CDH2: variants seen among roughly 807,000 people sequenced by gnomAD.
CDH2 encodes cadherin-2.
Under a neutral mutation model 92.0 loss-of-function variants are expected in CDH2, and 17 were observed. The ratio of observed to expected loss-of-function variants is 0.18; its 90% confidence interval spans 0.13 to 0.28. CDH2 has a LOEUF of 0.28. CDH2 is among the 10% of genes least tolerant of loss of function. CDH2 has a pLI of 1.00. For missense variants in CDH2, 862 were observed against 1,133.1 expected, an observed-to-expected ratio of 0.76 and a Z score of 3.44; for synonymous variants, 419 against 415.9, an observed-to-expected ratio of 1.01 and a Z score of -0.09.
chr18:27,942,639 G>GA (rs1378369125), intron 6 of CDH2, among the ~76,000 whole-genome samples: 1 of 152,196 alleles, frequency 6.6e-6, no homozygotes, highest in African/African-American at 2.4e-5. Flanking sequence ...GCTGCATAAA[G>GA]AAACAGAAGA....
intron 1 of CDH2, among the ~76,000 whole-genome samples, chr18:28,172,944 T>G (rs1425614004): frequency 6.6e-6 from 1 of 152,156 alleles, no homozygotes; most frequent in African/African-American, 2.4e-5. Context: ...AACTGTTGCT[T>G]TAAGTCTTGA....
chr18:28,144,645 C>G (rs868318533), intron 2 of CDH2, among the ~76,000 whole-genome samples: 2 of 152,028 alleles, frequency 1.3e-5, no homozygotes, highest in Non-Finnish European at 2.9e-5. Context: ...TAGAAACAAC[C>G]TGTATGTTCA....
chr18:28,172,028 T>A (rs1324748042), intron 1 of CDH2, among the ~76,000 whole-genome samples: 1 of 152,088 alleles, frequency 6.6e-6, no homozygotes, highest in East Asian at 1.9e-4. Context: ...CTGTACTCAG[T>A]GTTGCAGGAG....
At chr18:28,030,502 C>CA (rs2013666777) in intron 2 of CDH2, among the ~76,000 whole-genome samples, 1 of 151,868 alleles carries the variant, frequency 6.6e-6, no homozygotes, top group African/African-American at 2.4e-5. Context: ...AACAAACAAA[C>CA]AACAACAACA....
intron 15 of CDH2, among the ~76,000 whole-genome samples, chr18:27,958,506 TATG>T (rs1567936671): frequency 1.0e-5 from 1 of 97,600 alleles, no homozygotes; most frequent in Non-Finnish European, 2.8e-5. Context: ...CATATTTATA[TATG>T]TATATATGTG....
intron 2 of CDH2, among the ~76,000 whole-genome samples, chr18:28,090,372 T>C (rs2015014608): frequency 6.6e-6 from 1 of 152,154 alleles, no homozygotes. Context: ...CAAGGGCCTT[T>C]AAAAGGCAAT....
At chr18:28,068,964 CAG>C (rs1412075676) in intron 2 of CDH2, among the ~76,000 whole-genome samples, 1 of 152,102 alleles carries the variant, frequency 6.6e-6, no homozygotes, top group African/African-American at 2.4e-5. Flanking sequence ...TTTTGGAAAA[CAG>C]AAAAACACAA....
At chr18:28,064,091 T>C (rs1017298890) in intron 2 of CDH2, among the ~76,000 whole-genome samples, 5 of 149,532 alleles carry the variant, frequency 3.3e-5, no homozygotes, top group Non-Finnish European at 5.9e-5. Context: ...CATGTCTGGA[T>C]GAGAAACATC....
chr18:27,963,385 G>A lies in CDH2; in HGVS notation c.2486C>T (p.Pro829Leu), dbSNP rs1302337851. ...ATTAATGAAGTCCCCAATGTCTCCA[G>A]GGTGTGGGGCTGCAGATCGGACCGG... ...QYPVRSAAPH[P>L]GDIGDFINEG... Residue 829 changes from proline (P) to leucine (L), a missense_variant, in exon 15 of 16, where the codon CCT (proline) becomes CTT (leucine). This residue lies in a region of CDH2 where 114 missense variants were observed against 144.8 expected (regional missense o/e 0.79). Transcript: ENST00000269141. The A allele has an allele frequency of 6.2e-7, 1 of 1,614,084 alleles. No homozygotes were observed.
At chr18:28,146,400 T>C (rs2144324860) in intron 2 of CDH2, 1 of 152,144 alleles carries the variant, frequency 6.6e-6, no homozygotes, top group Admixed American at 6.5e-5. Context: ...CATATTAAGT[T>C]AAAGAAAGGC....
At chr18:27,985,296 G>A in intron 12 of CDH2, 63 bp from the exon 13 acceptor site, 1 of 958,422 alleles carries the variant, frequency 1.0e-6, no homozygotes, top group Non-Finnish European at 1.6e-6. Context: ...AAAACACATA[G>A]CATTGTTCAG....
At chr18:28,158,983 T>C (rs2016264465) in intron 1 of CDH2, among the ~76,000 whole-genome samples, 2 of 152,358 alleles carry the variant, frequency 1.3e-5, no homozygotes, top group South Asian at 2.1e-4. Context: ...GAATTAAATA[T>C]ATAATTTTTT....
chr18:27,979,906 C>T (rs140747642), intron 14 of CDH2, among the ~76,000 whole-genome samples: 2 of 152,328 alleles, frequency 1.3e-5, no homozygotes, highest in East Asian at 1.9e-4. Context: ...CTACAGAAAG[C>T]ATCTGCTTCT....
chr18:28,105,760 A>T (rs1486835652), intron 2 of CDH2, among the ~76,000 whole-genome samples: 1 of 152,192 alleles, frequency 6.6e-6, no homozygotes, highest in Non-Finnish European at 1.5e-5. Context: ...TCTTAATTTA[A>T]AATATAATTA....
intron 6 of CDH2, among the ~76,000 whole-genome samples, chr18:27,934,445 T>C (rs1355374727): frequency 6.6e-6 from 1 of 152,228 alleles, no homozygotes; most frequent in East Asian, 1.9e-4. Flanking sequence ...AGTGGTTTAT[T>C]GTCTCTTTGA....
chr18:28,175,311 G>C (rs1018290078), intron 1 of CDH2, among the ~76,000 whole-genome samples: 1 of 152,204 alleles, frequency 6.6e-6, no homozygotes, highest in Admixed American at 6.5e-5. Flanking sequence ...GGAGAGAGCC[G>C]AGTGGCGGAT....
chr18:28,004,285 C>A (rs1439436994), intron 6 of CDH2, among the ~76,000 whole-genome samples: 2 of 152,172 alleles, frequency 1.3e-5, no homozygotes, highest in African/African-American at 4.8e-5. Flanking sequence ...TACCACACAG[C>A]ATATGCTTTA....
At chr18:27,995,074 A>C (rs1031545950) in intron 7 of CDH2, among the ~76,000 whole-genome samples, 3 of 152,054 alleles carry the variant, frequency 2.0e-5, no homozygotes, top group Admixed American at 1.3e-4. Context: ...GCACTTTGGG[A>C]GGTCGAGGCA....
chr18:27,959,289 G>T (rs2011336895), intron 15 of CDH2, among the ~76,000 whole-genome samples: 1 of 152,130 alleles, frequency 6.6e-6, no homozygotes, highest in South Asian at 2.1e-4. Flanking sequence ...TATCATTTTT[G>T]AGATTCAAGG....
Sources: allele counts gnomAD v4.1 joint callset (sites outside exome capture counted in the v4.1 genomes callset), GRCh38; gene constraint gnomAD v4.1.1; regional missense constraint gnomAD v4.1.1; transcripts MANE v1.5; gene names NCBI Gene and HGNC (gene_info 2026-07-23, HGNC 2026-07-21).